PARD3B: variants seen among roughly 807,000 people sequenced by gnomAD.
PARD3B encodes the protein partitioning defective 3 homolog B.
Under a neutral mutation model 130.2 loss-of-function variants are expected in PARD3B, and 103 were observed. That is an observed-to-expected ratio of 0.79 (90% CI 0.67 to 0.93). PARD3B has a LOEUF of 0.93. Ranked by LOEUF, PARD3B falls within the 40% of genes least tolerant of loss-of-function variation. The pLI is 0.00. For missense variants in PARD3B, 1,609 were observed against 1,499.2 expected, an observed-to-expected ratio of 1.07 and a Z score of -1.21; for synonymous variants, 583 against 553.2, an observed-to-expected ratio of 1.05 and a Z score of -0.76.
intron 3 of PARD3B, among the ~76,000 whole-genome samples, chr2:205,032,121 C>T (rs1350285189): frequency 6.6e-6 from 1 of 152,010 alleles, no homozygotes; most frequent in Non-Finnish European, 1.5e-5. Context: ...GTACCTGTGG[C>T]CTTTGGATTT....
At chr2:205,264,569 A>G (rs1421402222) in intron 16 of PARD3B, among the ~76,000 whole-genome samples, 1 of 151,082 alleles carries the variant, frequency 6.6e-6, no homozygotes, top group Admixed American at 6.6e-5. Context: ...TATTAGTGAG[A>G]CATGAGAACA....
chr2:204,640,497 A>G (rs1438375544), intron 1 of PARD3B, among the ~76,000 whole-genome samples: 1 of 152,206 alleles, frequency 6.6e-6, no homozygotes, highest in Non-Finnish European at 1.5e-5. Flanking sequence ...CACATCTGTC[A>G]GGAACCCTCT....
chr2:204,892,225 T>G (rs2046474925), intron 2 of PARD3B, among the ~76,000 whole-genome samples: 1 of 152,072 alleles, frequency 6.6e-6, no homozygotes, highest in South Asian at 2.1e-4. Flanking sequence ...GGAGTGTGCT[T>G]AGGCTCTTCC....
At chr2:205,102,845 A>T (rs987160849) in intron 4 of PARD3B, among the ~76,000 whole-genome samples, 5 of 152,044 alleles carry the variant, frequency 3.3e-5, no homozygotes, top group African/African-American at 1.2e-4. Context: ...CGACCAGATC[A>T]TGAGGTCAGG....
At chr2:204,683,998 G>A (rs1340999539) in intron 1 of PARD3B, among the ~76,000 whole-genome samples, 2 of 152,160 alleles carry the variant, frequency 1.3e-5, no homozygotes, top group Admixed American at 6.5e-5. Flanking sequence ...TGGATGTGAT[G>A]CGGCAACCCC....
At chr2:204,642,022 G>A (rs1444697011) in intron 1 of PARD3B, among the ~76,000 whole-genome samples, 5 of 152,192 alleles carry the variant, frequency 3.3e-5, no homozygotes, top group Non-Finnish European at 5.9e-5. Flanking sequence ...ATAGCCTGGA[G>A]GCTTCAGGAT....
intron 3 of PARD3B, among the ~76,000 whole-genome samples, chr2:205,027,925 G>A (rs1319998443): frequency 1.3e-5 from 2 of 152,066 alleles, no homozygotes; most frequent in Non-Finnish European, 2.9e-5. Flanking sequence ...TGGTCAATGT[G>A]TCTTGTTTTT....
intron 16 of PARD3B, among the ~76,000 whole-genome samples, chr2:205,289,009 C>T (rs1259491381): frequency 1.3e-5 from 2 of 152,172 alleles, no homozygotes; most frequent in Admixed American, 6.6e-5. Flanking sequence ...TTGATGGTGT[C>T]ATGGGTTAGT....
At position 205,540,464 on chromosome 2, in the gene PARD3B, T is replaced by C. The variant is rs1249346697; in HGVS notation, c.3181-12860T>C. ...ACATTCATTTTATGTATTTTTCTCT[T>C]CTGGGTATAAATTCATATGGTTCAA... On this transcript the variant is annotated intron_variant, in intron 21 of 22. Transcript: ENST00000406610. 2.0e-5 allele frequency among the ~76,000 whole-genome samples: 3 copies of C among 152,312 alleles called. No homozygotes were observed. In the East Asian group the frequency reaches 5.8e-4, roughly 29 times the overall value.
At chr2:205,065,949 CTTA>C (rs1382333787) in intron 4 of PARD3B, among the ~76,000 whole-genome samples, 1 of 152,088 alleles carries the variant, frequency 6.6e-6, no homozygotes, top group Non-Finnish European at 1.5e-5. Context: ...TTTATTCATA[CTTA>C]TTATTATCAG....
chr2:204,918,873 GA>G (rs2047555201), intron 2 of PARD3B, among the ~76,000 whole-genome samples: 1 of 150,434 alleles, frequency 6.6e-6, no homozygotes. Flanking sequence ...TGTTTCTGGT[GA>G]TTTTTTTTTT....
At chr2:205,127,477 G>A (rs1260086212) in intron 10 of PARD3B, among the ~76,000 whole-genome samples, 1 of 152,126 alleles carries the variant, frequency 6.6e-6, no homozygotes, top group Non-Finnish European at 1.5e-5. Flanking sequence ...GGAACAGTAA[G>A]GATTAGTTGA....
At chr2:205,612,501 A>G (rs1215088711) in intron 22 of PARD3B, among the ~76,000 whole-genome samples, 10 of 149,968 alleles carry the variant, frequency 6.7e-5, no homozygotes, top group Admixed American at 6.6e-4. Flanking sequence ...AGAACTTAGA[A>G]GTTGTTCTGA....
At chr2:204,632,409 ATTCT>A (rs1158402919) in intron 1 of PARD3B, among the ~76,000 whole-genome samples, 1 of 152,042 alleles carries the variant, frequency 6.6e-6, no homozygotes, top group African/African-American at 2.4e-5. Flanking sequence ...TCTTGCGCTG[ATTCT>A]TTCTTATCTT....
chr2:204,565,961 A>G (rs2031648285), intron 1 of PARD3B, among the ~76,000 whole-genome samples: 1 of 152,206 alleles, frequency 6.6e-6, no homozygotes. Context: ...GAGATAATGA[A>G]ATTTTACCTG....
At chr2:204,594,143 T>C (rs2033189645) in intron 1 of PARD3B, among the ~76,000 whole-genome samples, 1 of 152,178 alleles carries the variant, frequency 6.6e-6, no homozygotes, top group Admixed American at 6.5e-5. Flanking sequence ...GGCAAGGTTA[T>C]CTTCATTGAT....
At position 205,268,763 on chromosome 2, in the gene PARD3B, C is replaced by T. The variant is rs1559605701; in HGVS notation, c.2185+22941C>T. 6.6e-6 allele frequency among the ~76,000 whole-genome samples: 1 copy of T among 152,040 alleles called. No homozygotes were observed. Among genetic ancestry groups the T allele is most frequent in the Non-Finnish European group, 1.5e-5 (1 of 68,000 alleles). ...ATTTGACAGAAGAGACTTCTCAGCT[C>T]TTTGGGGAAAATATTGAAATGCATG... is the stretch of plus-strand genomic sequence containing the variant. On this transcript the variant is annotated intron_variant, in intron 16 of 22. Coordinates refer to ENST00000406610, the MANE Select transcript of PARD3B (RefSeq NM_001302769.2). The surrounding 1 kb of genome is among the most constrained non-coding windows in gnomAD (Gnocchi z 4.1).
chr2:205,518,472 T>A (rs2050887560), intron 21 of PARD3B, among the ~76,000 whole-genome samples: 1 of 152,032 alleles, frequency 6.6e-6, no homozygotes, highest in Non-Finnish European at 1.5e-5. Context: ...CCTACAGGTG[T>A]CATTTCATGT....
intron 2 of PARD3B, among the ~76,000 whole-genome samples, chr2:204,748,947 G>A (rs181547150): frequency 1.1e-3 from 165 of 152,174 alleles, no homozygotes; most frequent in Non-Finnish European, 2.0e-3. Context: ...ATTTGTTCTT[G>A]CAAACTTGAT....
Sources: allele counts gnomAD v4.1 joint callset (sites outside exome capture counted in the v4.1 genomes callset), GRCh38; gene constraint gnomAD v4.1.1; non-coding constraint Gnocchi (gnomAD v3.1); transcripts MANE v1.5; gene names NCBI Gene and HGNC (gene_info 2026-07-23, HGNC 2026-07-21).